PCNX1: variants seen among roughly 807,000 people sequenced by gnomAD.
PCNX1 encodes pecanex-like protein 1.
A neutral mutation model predicts 242.2 loss-of-function variants in PCNX1; 78 were observed. The ratio of observed to expected loss-of-function variants is 0.32; its 90% CI spans 0.27 to 0.39. PCNX1 has a LOEUF of 0.39. Among genes scored for constraint, PCNX1 ranks in the 10% least tolerant of loss-of-function variants. The probability of loss-of-function intolerance (pLI) is 1.00; values close to 1 mark genes in which losing one functional copy is unlikely to be tolerated. For synonymous variants in PCNX1, 1,024 were observed against 1,032.9 expected, an observed-to-expected ratio of 0.99 and a Z score of 0.17; for missense variants, 2,581 against 2,856.5, an observed-to-expected ratio of 0.90 and a Z score of 2.20.
rs758861975 is a variant in PCNX1, at chr14:70,977,658, A to G, written c.1321A>G (p.Asn441Asp). Residue 441 changes from asparagine to aspartate, a missense_variant, in exon 6 of 36, where the codon AAT becomes GAT. Coordinates refer to ENST00000304743, the MANE Select transcript of PCNX1 (RefSeq NM_014982.3). Reference sequence around the variant, plus strand: ...GTGCTGTGCAGGCCCAGAGGAGAAGAATAGCTGTGCCAGTGACAAAAGGAC... The same window carrying G: ...GTGCTGTGCAGGCCCAGAGGAGAAGGATAGCTGTGCCAGTGACAAAAGGAC... ...KECCAGPEEK[N>D]SCASDKRTSS... is the part of the protein sequence containing the mutation. 1.9e-6 allele frequency: 3 copies of G among 1,614,140 alleles called. No individual in the cohort carries two copies. Among genetic ancestry groups the G allele is most frequent in the Non-Finnish European group, 2.5e-6 (3 of 1,180,028 alleles).
intron 1 of PCNX1, among the ~76,000 whole-genome samples, chr14:70,917,367 AT>A (rs1469597496): frequency 4.6e-5 from 7 of 152,300 alleles, no homozygotes; most frequent in Admixed American, 4.6e-4. Flanking sequence ...TATGAAATGT[AT>A]TTCTTAAATA....
rs766360822 is a variant in PCNX1 at position 70,968,198 on chromosome 14, A to G, written c.469A>G (p.Ile157Val). ...SYAGLDPSNQ[I>V]GSGSSRLGTA... ...TATTTACTTCATGTCACGTTTTCAG[A>G]TTGGATCTGGTTCCTCGCGTCTTGG... is the stretch of plus-strand genomic sequence containing the variant. Residue 157 changes from isoleucine (I) to valine (V), a missense_variant and splice_region_variant, in exon 4 of 36, where the codon ATT becomes GTT. Ile to Val is a conservative substitution (Grantham distance 29, BLOSUM62 3). Coordinates refer to ENST00000304743, the MANE Select transcript of PCNX1 (RefSeq NM_014982.3). 4.3e-6 allele frequency: 7 copies of G among 1,611,662 alleles called. No homozygotes were observed. In the African/African-American group the frequency reaches 8.0e-5, roughly 18 times the overall value.
At chr14:70,947,204 T>G in intron 2 of PCNX1, 81 bp downstream of exon 2, 1 of 1,055,842 alleles carries the variant, frequency 9.5e-7, no homozygotes, top group Non-Finnish European at 1.4e-6. Context: ...TATATTGTAC[T>G]TGTTTTCTTT....
At chr14:70,990,949 A>G (rs1345906259) in intron 7 of PCNX1, among the ~76,000 whole-genome samples, 1 of 151,862 alleles carries the variant, frequency 6.6e-6, no homozygotes, top group Non-Finnish European at 1.5e-5. Context: ...TTCTTACTCC[A>G]TGTTTATATA....
At chr14:71,012,892 A>G (rs61990382) in intron 10 of PCNX1, 93 bp from the exon 11 acceptor site, 14,218 of 833,158 alleles carry the variant, frequency 0.017, 159 homozygotes, top group Middle Eastern at 0.029. Context: ...CTAATTGAGT[A>G]ACTGTTGAAT....
chr14:70,910,201 C>CTCCTCCTCCTCCTCCTCCTCCTCT (rs2055822771), intron 1 of PCNX1, among the ~76,000 whole-genome samples: 1 of 49,592 alleles, frequency 2.0e-5, no homozygotes, highest in Non-Finnish European at 4.5e-5. Context: ...CCTCCTCCTC[C>CTCCTCCTCCTCCTCCTCCTCCTCT]TCCTCGTCCT....
intron 28 of PCNX1, 118 bp downstream of exon 28, chr14:71,076,537 G>C: frequency 1.5e-6 from 1 of 672,328 alleles, no homozygotes; most frequent in East Asian, 2.7e-5. Flanking sequence ...TGATCTTCTG[G>C]TTAAGATAAC....
chr14:71,023,202 T>C lies in PCNX1; in HGVS notation c.3153T>C (p.Ser1051=). 2 of 1,607,460 alleles carry C rather than the reference T, an allele frequency of 1.2e-6. No individual in the cohort carries two copies. The highest frequency in any genetic ancestry group is 1.7e-6 in the Non-Finnish European group (2 of 1,174,370). ...IASCQYSLLK[S]VQPDSSSPRH... is the part of the protein sequence containing the mutation. ...TTGTCTTTCTGTTTCATTTTTAGAG[T>C]GTTCAACCAGATTCTTCTTCTCCCA... Residue 1051 remains serine, a splice_region_variant and synonymous_variant, in exon 13 of 36, where the codon AGT becomes AGC. Coordinates refer to ENST00000304743, the MANE Select transcript of PCNX1 (RefSeq NM_014982.3).
chr14:70,908,067 C>G (rs1317108774), intron 1 of PCNX1, 64 bp downstream of exon 1: 4 of 1,449,260 alleles, frequency 2.8e-6, no homozygotes, highest in Admixed American at 2.5e-5. Flanking sequence ...ATGCTGGGGT[C>G]GCGCCCTCTT....
chr14:71,111,206 A>C lies in PCNX1; in HGVS notation c.*1271A>C, dbSNP rs556057849. The C allele has an allele frequency of 6.5e-6, 1 of 152,720 alleles. No homozygotes were observed. The highest frequency in any genetic ancestry group is 2.1e-4 in the South Asian group (1 of 4,822). The allele number at this position is 152,720 out of a possible 1,614,324, so 9.5% of individuals were successfully genotyped here. A position where few individuals can be genotyped will look rare whatever the true frequency, so the allele number is the denominator to read the frequency against. On this transcript the variant is annotated 3_prime_UTR_variant, in exon 36 of 36. Coordinates refer to ENST00000304743, the MANE Select transcript of PCNX1 (RefSeq NM_014982.3). ...CTTTATTTTTTTTAAATGCATATTC[A>C]GGGAAATATATTACTCATATTTACA...
At chr14:70,913,635 A>G (rs1156360582) in intron 1 of PCNX1, among the ~76,000 whole-genome samples, 1 of 152,162 alleles carries the variant, frequency 6.6e-6, no homozygotes, top group Non-Finnish European at 1.5e-5. Flanking sequence ...GATCTTTGTC[A>G]TCTTTAGAAT....
At chr14:71,011,459 A>C in intron 9 of PCNX1, 33 bp from the exon 10 acceptor site, 1 of 1,226,274 alleles carries the variant, frequency 8.2e-7, no homozygotes, top group Non-Finnish European at 1.2e-6. Flanking sequence ...TTTCTGCTTG[A>C]CAAACTGTTC....
intron 22 of PCNX1, among the ~76,000 whole-genome samples, chr14:71,050,165 C>CT (rs377649291): frequency 0.46 from 69,015 of 150,202 alleles, 16,673 homozygotes; most frequent in African/African-American, 0.61. Flanking sequence ...GATTTTTTTT[C>CT]TTTTTTTTTA....
chr14:70,976,684 T>G (rs962991530), intron 5 of PCNX1, among the ~76,000 whole-genome samples: 7 of 152,146 alleles, frequency 4.6e-5, no homozygotes, highest in African/African-American at 1.7e-4. Context: ...CTTTGTTTCC[T>G]CTTAATTTTA....
chr14:70,985,010 T>C (rs1267361547), intron 6 of PCNX1, among the ~76,000 whole-genome samples: 1 of 152,224 alleles, frequency 6.6e-6, no homozygotes, highest in Non-Finnish European at 1.5e-5. Context: ...GTATGTATTA[T>C]GGATTAAACT....
chr14:71,076,403 C>T lies in PCNX1; in HGVS notation c.5321C>T (p.Ser1774Phe). ...VIYLNWIEYC[S>F]SRRAKPVDVD... The stretch of plus-strand genomic sequence containing the variant: ...TACCTCAACTGGATAGAGTACTGCT[C>T]TTCCCGAAGAGCAAAGGTAGAGTTT... Residue 1774 changes from serine to phenylalanine, a missense_variant, in exon 28 of 36, where the codon TCT (serine) becomes TTT (phenylalanine). Coordinates refer to ENST00000304743, the MANE Select transcript of PCNX1 (RefSeq NM_014982.3). The T allele has an allele frequency of 6.2e-7, 1 of 1,601,192 alleles. No individual in the cohort carries two copies. Among genetic ancestry groups the T allele is most frequent in the Non-Finnish European group, 8.6e-7 (1 of 1,168,500 alleles).
chr14:70,939,455 T>C (rs2057144806), intron 1 of PCNX1, among the ~76,000 whole-genome samples: 1 of 152,258 alleles, frequency 6.6e-6, no homozygotes, highest in Admixed American at 6.5e-5. Context: ...AGTGAGTTTC[T>C]TAATCCTGAG....
At chr14:71,022,595 G>A (rs929765379) in intron 12 of PCNX1, among the ~76,000 whole-genome samples, 3 of 152,114 alleles carry the variant, frequency 2.0e-5, no homozygotes, top group Admixed American at 1.3e-4. Flanking sequence ...TGAAACTTGG[G>A]AGAAAAGTCA....
At chr14:71,057,942 G>A (rs577256456) in intron 26 of PCNX1, among the ~76,000 whole-genome samples, 1 of 152,272 alleles carries the variant, frequency 6.6e-6, no homozygotes, top group South Asian at 2.1e-4. Flanking sequence ...AAAGGTAGTA[G>A]CATTAGTGTG....
Sources: allele counts gnomAD v4.1 joint callset (sites outside exome capture counted in the v4.1 genomes callset), GRCh38; gene constraint gnomAD v4.1.1; transcripts MANE v1.5; gene names NCBI Gene and HGNC (gene_info 2026-07-23, HGNC 2026-07-21).